The following ZNF512B variants were observed in gnomAD, a reference collection of about 807,000 sequenced individuals.
ZNF512B encodes the protein zinc finger protein 512B.
A neutral mutation model predicts 87.8 loss-of-function variants in ZNF512B; 22 were observed. The ratio of observed to expected loss-of-function variants is 0.25; its 90% CI spans 0.18 to 0.36. The LOEUF (loss-of-function observed/expected upper bound fraction) is 0.36. ZNF512B is among the 10% of genes least tolerant of loss of function. The probability of loss-of-function intolerance (pLI) is 1.00; values close to 1 mark genes in which losing one functional copy is unlikely to be tolerated. For missense variants in ZNF512B, 1,060 were observed against 1,231.6 expected (o/e 0.86, Z 2.09); for synonymous variants, 524 against 490.9 (o/e 1.07, Z -0.89).
In ZNF512B at chr20:63,962,290, C is replaced by T. The variant is rs545930842; in HGVS notation, c.2248G>A (p.Val750Ile). The T allele has an allele frequency of 3.3e-5, 54 of 1,612,026 alleles. No homozygotes were observed. Among genetic ancestry groups the T allele is most frequent in the South Asian group, 2.1e-4 (19 of 91,064 alleles). ...CCGCTCACGTCGTTGGGACAGTTGA[C>T]GTGGCCTTTCTCCTTCACTTCATTC... ...WKNEVKEKGH[V>I]NCPNDCCEAI... The change falls in exon 14 of 17, where the codon GTC becomes ATC. Residue 750 changes from valine to isoleucine, a missense_variant. Physicochemically the swap from Val to Ile is conservative, Grantham distance 29. Coordinates refer to ENST00000369888, the MANE Select transcript of ZNF512B (RefSeq NM_020713.3).
At chr20:63,962,961 C>A in intron 12 of ZNF512B, 134 bp downstream of exon 12, 30 of 1,311,644 alleles carry the variant, frequency 2.3e-5, no homozygotes, top group Non-Finnish European at 3.0e-5. Context: ...CCAGGACACA[C>A]GTCTCTTACA....
chr20:63,967,555 C>G (rs2058941158), intron 2 of ZNF512B, 32 bp from the exon 3 acceptor site: 9 of 1,555,686 alleles, frequency 5.8e-6, no homozygotes, highest in African/African-American at 1.4e-5. Flanking sequence ...GGCTCGGAAG[C>G]TGTGTAGCAC....
In ZNF512B at chr20:63,963,212, G is replaced by T; in HGVS notation, c.1851C>A (p.Arg617=). 1 of 1,546,908 alleles carries T rather than the reference G, an allele frequency of 6.5e-7. No homozygotes were observed. The highest frequency in any genetic ancestry group is 8.7e-7 in the Non-Finnish European group (1 of 1,150,018). Residue 617 remains arginine, a synonymous_variant, in exon 12 of 17, where the codon CGC becomes CGA. Transcript: ENST00000369888. ...SLMGYQYHQR[R]CGKPPCEVDS... is the part of the protein sequence containing the mutation. ...CCACCTCGCAGGGCGGCTTCCCGCAGCGCCGCTGGTGGTACTGGTAGCCCA... is the reference window on the plus strand; with the variant it reads ...CCACCTCGCAGGGCGGCTTCCCGCATCGCCGCTGGTGGTACTGGTAGCCCA...
rs747078602 is a variant in ZNF512B at position 63,966,219 on chromosome 20, G to A, written c.956C>T (p.Pro319Leu). The change falls in exon 5 of 17, where the codon CCG (proline) becomes CTG (leucine). Residue 319 changes from proline (P) to leucine (L), a missense_variant. This residue lies in a region of ZNF512B where 201 missense variants were observed against 226.8 expected (regional missense o/e 0.89). Coordinates refer to ENST00000369888, the MANE Select transcript of ZNF512B (RefSeq NM_020713.3). ...GGTCAGCAGCACCATTTTGCAGGGC[G>A]GTGTGTGTCTGCTGATAGCAATGGG... is the stretch of plus-strand genomic sequence containing the variant. ...SRPIAISRHT[P>L]PCKMVLLTRS... is the part of the protein sequence containing the mutation. 1.5e-5 allele frequency: 25 copies of A among 1,613,982 alleles called. 1 individual carries two copies. Among genetic ancestry groups the A allele is most frequent in the South Asian group, 6.6e-5 (6 of 91,088 alleles).
rs201070724 is a variant in ZNF512B at position 63,962,730 on chromosome 20, C to T, written c.2020G>A (p.Val674Met). 1.1e-4 allele frequency: 169 copies of T among 1,603,412 alleles called. 2 individuals are homozygous for T. The East Asian group carries it at 2.2e-3, about 21-fold the overall frequency. The change falls in exon 13 of 17, where the codon GTG becomes ATG. Residue 674 changes from valine to methionine, a missense_variant. Val to Met is a conservative substitution (Grantham distance 21). Around this residue, in one of 9 missense-constraint regions of ZNF512B, gnomAD observed 165 missense variants for 173.0 expected, o/e 0.95. Coordinates refer to ENST00000369888, the MANE Select transcript of ZNF512B (RefSeq NM_020713.3). The part of the protein sequence containing the change: ...KSPEAEDPLG[V>M]ERTPSGRVRR... ...ACACGCCCGCTTGGGGTCCGCTCCA[C>T]ACCCAGCGGGTCCTCAGCCTCAGGG...
chr20:63,963,112 A>C lies in ZNF512B; in HGVS notation c.1951T>G (p.Ser651Ala). ...CCACTCACGGGGGCCGTGTGCTCCGAGCGCACGTGGTAGTCGTGGCCAGCC... is the reference window on the plus strand; with the variant it reads ...CCACTCACGGGGGCCGTGTGCTCCGCGCGCACGTGGTAGTCGTGGCCAGCC... ...SKAGHDYHVRSEHTAPPPEEP... is the reference protein window; with the variant it reads ...SKAGHDYHVRAEHTAPPPEEP... The change falls in exon 12 of 17, where the codon TCG becomes GCG. Residue 651 changes from serine to alanine, a missense_variant. Around this residue, in one of 9 missense-constraint regions of ZNF512B, gnomAD observed 165 missense variants for 173.0 expected, o/e 0.95. Coordinates refer to ENST00000369888, the MANE Select transcript of ZNF512B (RefSeq NM_020713.3). The C allele has an allele frequency of 6.4e-7, 1 of 1,559,810 alleles. No homozygotes were observed. The highest frequency in any genetic ancestry group is 8.6e-7 in the Non-Finnish European group (1 of 1,159,878).
In ZNF512B at chr20:63,966,399, G is replaced by A. The variant is rs778723520; in HGVS notation, c.776C>T (p.Thr259Ile). 1 of 1,614,000 alleles carries A rather than the reference G, an allele frequency of 6.2e-7. No individual in the cohort carries two copies. The highest frequency in any genetic ancestry group is 8.5e-7 in the Non-Finnish European group (1 of 1,180,020). Residue 259 changes from threonine to isoleucine, a missense_variant, in exon 5 of 17, where the codon ACA (threonine) becomes ATA (isoleucine). By Grantham distance (89) the Thr-to-Ile change is moderately conservative. Transcript: ENST00000369888. ...GGTGACCGGCACAGACTTGGTGACT[G>A]TGATGGGTTTGGTGACCGGCATGGC... ...TKAMPVTKPI[T>I]VTKSVPVTKP...
rs201892147 is a variant in ZNF512B, at chr20:63,960,156, G to A, written c.2428-17C>T. On this transcript the variant is annotated splice_polypyrimidine_tract_variant and intron_variant, in intron 16 of 16. Transcript: ENST00000369888. ...GAACCAGTTCTGGGGAGAGAAAAGC[G>A]CTGATGAAGACCTGGGACTGGATGC... 5,356 of 1,612,668 alleles carry A rather than the reference G, an allele frequency of 3.3e-3. 166 individuals are homozygous for A. In the South Asian group the frequency reaches 0.049, roughly 15 times the overall value.
rs1386603991 is a variant in ZNF512B, at chr20:63,966,578, A to T, written c.597T>A (p.Thr199=). 1 of 1,613,642 alleles carries T rather than the reference A, an allele frequency of 6.2e-7. No individual in the cohort carries two copies. Among genetic ancestry groups the T allele is most frequent in the Non-Finnish European group, 8.5e-7 (1 of 1,180,012 alleles). ...TGCTGACACCCACAGGTTTGCCAAT[A>T]GTGACAGGTTTGCTCACTCCGATGG... The part of the protein sequence containing the change: ...SKPIGVSKPV[T]IGKPVGVSKP... Residue 199 remains threonine (T), a synonymous_variant, in exon 5 of 17, where the codon ACT becomes ACA. Coordinates refer to ENST00000369888, the MANE Select transcript of ZNF512B (RefSeq NM_020713.3).
Position 63,962,578 on chromosome 20 carries a change from G to A in ZNF512B, c.2163+9C>T. 2.5e-6 allele frequency: 4 copies of A among 1,601,428 alleles called. No individual in the cohort carries two copies. Among genetic ancestry groups the A allele is most frequent in the Non-Finnish European group, 3.4e-6 (4 of 1,177,862 alleles). On this transcript the variant is annotated intron_variant, in intron 13 of 16. Coordinates refer to ENST00000369888, the MANE Select transcript of ZNF512B (RefSeq NM_020713.3). ...GGCGCTGTCCACAGCCCTGGGGGGG[G>A]CAGCTCACCCGTGCGGTCTCGGGCA...
Position 63,963,725 on chromosome 20 carries a change from CAT to C in ZNF512B, c.1606-17_1606-16del, listed in dbSNP as rs2146889486. ...GCATCCTGAAGCTGCAGATGGCCCA[CAT>C]GTGAGAAGCCTGCCTGGGGCCAGGG... On this transcript the variant is annotated splice_polypyrimidine_tract_variant and intron_variant, in intron 9 of 16. Transcript: ENST00000369888. 6.2e-7 allele frequency: 1 copy of C among 1,613,276 alleles called. No homozygotes were observed. The highest frequency in any genetic ancestry group is 8.5e-7 in the Non-Finnish European group (1 of 1,180,020).
intron 5 of ZNF512B, among the ~76,000 whole-genome samples, chr20:63,965,628 G>A (rs111320070): frequency 7.8e-5 from 1 of 12,740 alleles, no homozygotes; most frequent in Non-Finnish European, 1.4e-4. Flanking sequence ...GTTCCTCCCC[G>A]ACCTGGGACG....
intron 12 of ZNF512B, 114 bp from the exon 13 acceptor site, chr20:63,962,895 G>A (rs2058871090): frequency 7.8e-6 from 10 of 1,288,100 alleles, no homozygotes; most frequent in Non-Finnish European, 9.4e-6. Flanking sequence ...AGTGTGCTGG[G>A]GACATGGCTG....
intron 7 of ZNF512B, 32 bp from the exon 8 acceptor site, chr20:63,964,249 G>A (rs1199158891): frequency 2.5e-6 from 4 of 1,609,894 alleles, no homozygotes; most frequent in East Asian, 4.5e-5. Flanking sequence ...AGAGAAACAG[G>A]GATGGGCTCA....
At position 63,961,881 on chromosome 20, in the gene ZNF512B, G is replaced by C. The variant is rs2058855691; in HGVS notation, c.2328+61C>G. 2 of 1,521,694 alleles carry C rather than the reference G, an allele frequency of 1.3e-6. No homozygotes were observed. Among genetic ancestry groups the C allele is most frequent in the East Asian group, 2.5e-5 (1 of 40,750 alleles). The allele number at this position is 1,521,694 out of a possible 1,614,324, so 94.3% of individuals were successfully genotyped here. On this transcript the variant is annotated intron_variant, in intron 15 of 16. Transcript: ENST00000369888. The surrounding 1 kb of genome is among the most constrained non-coding windows in gnomAD (Gnocchi z 6.4). ...TCACTACTGTGTGGGAAGCCCGCGTGGGGTGAGCTGGGAGCTCTGAGTGCA... is the reference window on the plus strand; with the variant it reads ...TCACTACTGTGTGGGAAGCCCGCGTCGGGTGAGCTGGGAGCTCTGAGTGCA...
chr20:63,960,160 A>G (rs745851925), intron 16 of ZNF512B, 21 bp from the exon 17 acceptor site: 1 of 1,612,396 alleles, frequency 6.2e-7, no homozygotes. Context: ...AAAAGCGCTG[A>G]TGAAGACCTG....
At position 63,959,480 on chromosome 20, in the gene ZNF512B, G is replaced by C; in HGVS notation, c.*408C>G. On this transcript the variant is annotated 3_prime_UTR_variant, in exon 17 of 17. Transcript: ENST00000369888. ...TTGCTCAGGTGCCCTCACCAGCCCA[G>C]AACCACAGGTCACCAGGGATGCCTG... The C allele has an allele frequency of 4.7e-6, 1 of 210,916 alleles. No homozygotes were observed. The highest frequency in any genetic ancestry group is 9.4e-6 in the Non-Finnish European group (1 of 106,530). The allele number at this position is 210,916 out of a possible 1,614,324, so 13.1% of individuals were successfully genotyped here. A position where few individuals can be genotyped will look rare whatever the true frequency, so the allele number is the denominator to read the frequency against.
At chr20:63,963,485 A>G (rs1239870177) in intron 10 of ZNF512B, 45 bp from the exon 11 acceptor site, 1 of 1,546,544 alleles carries the variant, frequency 6.5e-7, no homozygotes, top group Middle Eastern at 2.2e-4. Flanking sequence ...ATCGCCACGG[A>G]GCCCTGCCCT....
chr20:63,966,500 G>A lies in ZNF512B; in HGVS notation c.675C>T (p.Thr225=), dbSNP rs201493940. Residue 225 remains threonine (T), a synonymous_variant, in exon 5 of 17, where the codon ACC becomes ACT. Transcript: ENST00000369888. ...CGGGCCTAGTGACCGGGATGGCCTT[G>A]GTGACTGGCATGGGTCTGCCGACCG... ...PVSVGRPMPV[T]KAIPVTRPVP... 251 of 1,614,152 alleles carry A rather than the reference G, an allele frequency of 1.6e-4. 1 individual carries two copies. The East Asian group carries it at 4.9e-3, about 32-fold the overall frequency.
Sources: gnomAD v4.1 joint callset for allele counts (sites outside exome capture counted in the v4.1 genomes callset) on GRCh38, gnomAD v4.1.1 for gene constraint, gnomAD v4.1.1 regional missense constraint, Gnocchi (gnomAD v3.1) non-coding constraint, MANE v1.5 for transcripts, NCBI Gene and HGNC (gene_info 2026-07-23, HGNC 2026-07-21) for gene names.